LZIC: variants seen among roughly 807,000 people sequenced by gnomAD.
LZIC encodes the protein leucine zipper and CTNNBIP1 domain containing, also known as protein LZIC.
LZIC carries 28 observed loss-of-function variants against 25.4 expected under a neutral mutation model. That is an observed-to-expected ratio of 1.10 (90% CI 0.82 to 1.51). The LOEUF (loss-of-function observed/expected upper bound fraction) is 1.51, where lower values mean the gene tolerates loss of function less well. Ranked by LOEUF, LZIC falls within the 40% of genes most tolerant of loss-of-function variation. The pLI, the probability that LZIC is intolerant of heterozygous loss-of-function variation, is 0.00. For missense variants in LZIC, 170 were observed against 211.1 expected, an observed-to-expected ratio of 0.81 and a Z score of 1.21; for synonymous variants, 65 against 70.7, an observed-to-expected ratio of 0.92 and a Z score of 0.40.
At chr1:9,936,459 G>A (rs1640462178) in intron 3 of LZIC, 60 bp downstream of exon 3, 5 of 1,044,710 alleles carry the variant, frequency 4.8e-6, no homozygotes, top group African/African-American at 1.6e-5. Flanking sequence ...CTGCATCCAC[G>A]GAGCTAGCTG....
At chr1:9,939,052 T>A (rs559229928) in intron 2 of LZIC, among the ~76,000 whole-genome samples, 1 of 152,222 alleles carries the variant, frequency 6.6e-6, no homozygotes, top group African/African-American at 2.4e-5. Context: ...AATTGGCTAG[T>A]CATTGATAAT....
intron 7 of LZIC, among the ~76,000 whole-genome samples, chr1:9,930,889 T>G (rs188863872): frequency 6.6e-6 from 1 of 151,800 alleles, no homozygotes; most frequent in African/African-American, 2.4e-5. Flanking sequence ...CCCAGCCAAT[T>G]TTTGTGTTTT....
rs1640052305 is a variant in LZIC, at chr1:9,928,085, C to T, written c.*2314G>A. On this transcript the variant is annotated 3_prime_UTR_variant, in exon 8 of 8. Coordinates refer to ENST00000377223, the MANE Select transcript of LZIC (RefSeq NM_032368.5). Reference sequence around the variant, plus strand: ...ATCCCAGCACTCTGGGAGGTTGAGGCGGGTGGATCACCTAAGGTCAGGAGT... The same window carrying T: ...ATCCCAGCACTCTGGGAGGTTGAGGTGGGTGGATCACCTAAGGTCAGGAGT... Among the ~76,000 whole-genome samples, 1 of 151,996 alleles carries T rather than the reference C, an allele frequency of 6.6e-6. No homozygotes were observed. Among genetic ancestry groups the T allele is most frequent in the Admixed American group, 6.6e-5 (1 of 15,258 alleles).
intron 3 of LZIC, 76 bp downstream of exon 3, chr1:9,936,443 A>T: frequency 1.1e-6 from 1 of 878,616 alleles, no homozygotes; most frequent in Non-Finnish European, 1.9e-6. Context: ...ATCATCACAC[A>T]TGGGCCTGCA....
rs980219837 is a variant in LZIC, at chr1:9,942,705, T to C, written c.-90A>G. 15 of 1,289,066 alleles carry C rather than the reference T, an allele frequency of 1.2e-5. No individual in the cohort carries two copies. Among genetic ancestry groups the C allele is most frequent in the Admixed American group, 2.3e-5 (1 of 43,540 alleles). 79.9% of individuals were successfully genotyped at this position (1,289,066 alleles called of 1,614,324 possible). ...CCTCCAGTTCTTGACGTTCCGAGTG[T>C]CATAAACTTGAGGAAAATGAAATTA... On this transcript the variant is annotated 5_prime_UTR_variant, in exon 2 of 8. Transcript: ENST00000377223.
Position 9,929,714 on chromosome 1 carries a change from TC to T in LZIC, c.*684del. The stretch of plus-strand genomic sequence containing the variant: ...AGACAGCTTACAGGCTGGGGGATGG[TC>T]CCTTAGTGTGCAGTCCACTTTTTAT... On this transcript the variant is annotated 3_prime_UTR_variant, in exon 8 of 8. Transcript: ENST00000377223. The T allele has an allele frequency of 1.0e-6, 1 of 985,430 alleles. No homozygotes were observed. Among genetic ancestry groups the T allele is most frequent in the Non-Finnish European group, 1.2e-6 (1 of 829,942 alleles). 61.0% of individuals were successfully genotyped at this position (985,430 alleles called of 1,614,324 possible). A position where few individuals can be genotyped will look rare whatever the true frequency, so the allele number is the denominator to read the frequency against.
chr1:9,937,206 A>G (rs1037748722), intron 2 of LZIC, among the ~76,000 whole-genome samples: 8 of 152,108 alleles, frequency 5.3e-5, no homozygotes, highest in African/African-American at 1.9e-4. Context: ...ATCCCGGCTA[A>G]CACGGTGAAA....
chr1:9,935,394 C>G lies in LZIC; in HGVS notation c.237+98G>C, dbSNP rs1640409325. 3.0e-6 allele frequency: 4 copies of G among 1,348,288 alleles called. No individual in the cohort carries two copies. The East Asian group carries it at 9.6e-5, about 33-fold the overall frequency. The allele number at this position is 1,348,288 out of a possible 1,614,324, so 83.5% of individuals were successfully genotyped here. A position where few individuals can be genotyped will look rare whatever the true frequency, so the allele number is the denominator to read the frequency against. ...AGTGAGCCAAGACTGCCCCACTGCA[C>G]TCCAGCCTGGGCGACAGAGTAAGAA... is the stretch of plus-strand genomic sequence containing the variant. On this transcript the variant is annotated intron_variant, in intron 4 of 7. Transcript: ENST00000377223.
chr1:9,923,022 T>G (rs1477466370), downstream of LZIC, among the ~76,000 whole-genome samples: 1 of 152,140 alleles, frequency 6.6e-6, no homozygotes, highest in Non-Finnish European at 1.5e-5. Flanking sequence ...AGCACAACTT[T>G]TAAGAGAAGG....
intron 1 of LZIC, 106 bp from the exon 2 acceptor site, chr1:9,942,888 G>A (rs1640826153): frequency 2.7e-6 from 1 of 365,076 alleles, no homozygotes; most frequent in African/African-American, 2.1e-5. Flanking sequence ...CATCAAGGGC[G>A]GGGGCACTTT....
intron 7 of LZIC, 32 bp from the exon 8 acceptor site, chr1:9,930,489 A>G: frequency 6.2e-7 from 1 of 1,610,446 alleles, no homozygotes; most frequent in African/African-American, 1.3e-5. Context: ...AAACAAAAAG[A>G]TTATTTCAAG....
At chr1:9,934,713 T>C (rs569420007) in intron 5 of LZIC, 49 bp downstream of exon 5, 5 of 1,516,820 alleles carry the variant, frequency 3.3e-6, no homozygotes, top group Non-Finnish European at 4.6e-6. Context: ...TGAATTGGCC[T>C]AGGAAATGAA....
intron 3 of LZIC, among the ~76,000 whole-genome samples, chr1:9,936,175 A>T (rs1206761158): frequency 6.6e-6 from 1 of 151,436 alleles, no homozygotes; most frequent in Non-Finnish European, 1.5e-5. Flanking sequence ...TCCTTTGTGC[A>T]GGTAAGGCTG....
rs1476294101 is a variant in LZIC at position 9,932,206 on chromosome 1, G to A, written c.433-234C>T. 9 of 391,232 alleles carry A rather than the reference G, an allele frequency of 2.3e-5. 1 individual carries two copies. Among genetic ancestry groups the A allele is most frequent in the East Asian group, 2.3e-4 (4 of 17,466 alleles). 24.2% of individuals were successfully genotyped at this position (391,232 alleles called of 1,614,324 possible). On this transcript the variant is annotated intron_variant, in intron 6 of 7. Transcript: ENST00000377223. ...TAAAAATACAAAAAATCAGCTGGGC[G>A]TGGTGGTGCACGCCTGTAATCCCAG...
At chr1:9,932,745 G>A in intron 6 of LZIC, 58 bp downstream of exon 6, 1 of 884,164 alleles carries the variant, frequency 1.1e-6, no homozygotes, top group Non-Finnish European at 1.8e-6. Context: ...AGATCAAGAT[G>A]TTCTGTACCA....
rs927003606 is a variant in LZIC at position 9,942,832 on chromosome 1, C to G, written c.-167-50G>C. Reference sequence around the variant, plus strand: ...AGTAATTTTATTTGCTATATATAAACTTGCCCTAAGGCAGTCCAGATAACT... The same window carrying G: ...AGTAATTTTATTTGCTATATATAAAGTTGCCCTAAGGCAGTCCAGATAACT... On this transcript the variant is annotated intron_variant, in intron 1 of 7. Coordinates refer to ENST00000377223, the MANE Select transcript of LZIC (RefSeq NM_032368.5). 4.1e-5 allele frequency: 23 copies of G among 562,282 alleles called. 1 individual carries two copies. The Middle Eastern group carries it at 9.3e-4, about 23-fold the overall frequency. The allele number at this position is 562,282 out of a possible 1,614,324, so 34.8% of individuals were successfully genotyped here.
At chr1:9,940,325 C>T (rs935179230) in intron 2 of LZIC, among the ~76,000 whole-genome samples, 23 of 151,928 alleles carry the variant, frequency 1.5e-4, no homozygotes, top group African/African-American at 4.3e-4. Context: ...TATAGGCACC[C>T]GCCACCACGC....
chr1:9,939,663 T>C (rs1426360910), intron 2 of LZIC, among the ~76,000 whole-genome samples: 1 of 149,836 alleles, frequency 6.7e-6, no homozygotes, highest in African/African-American at 2.4e-5. Flanking sequence ...TCAGGCAACA[T>C]TTCTTGCTAT....
chr1:9,931,824 C>T (rs1482035665), intron 7 of LZIC, 67 bp downstream of exon 7: 7 of 1,010,172 alleles, frequency 6.9e-6, no homozygotes, highest in Non-Finnish European at 9.0e-6. Context: ...ACCACACTCT[C>T]CATCAGTTTG....
Sources: allele counts gnomAD v4.1 joint callset (sites outside exome capture counted in the v4.1 genomes callset), GRCh38; gene constraint gnomAD v4.1.1; transcripts MANE v1.5; gene names NCBI Gene and HGNC (gene_info 2026-07-23, HGNC 2026-07-21).